Variants in CPA6 observed in about 807,000 individuals in gnomAD.
CPA6 encodes carboxypeptidase B.
Under a neutral mutation model 63.3 loss-of-function variants are expected in CPA6, and 58 were observed. That is an observed-to-expected ratio of 0.92 (90% CI 0.74 to 1.14). CPA6 has a LOEUF of 1.14. Among genes scored for constraint, CPA6 ranks in the 50% most tolerant of loss-of-function variants. CPA6 has a pLI of 0.00. For synonymous variants in CPA6, 185 were observed against 179.0 expected (o/e 1.03, Z -0.27); for missense variants, 565 against 526.6 (o/e 1.07, Z -0.71).
intron 6 of CPA6, among the ~76,000 whole-genome samples, chr8:67,503,684 G>T (rs1033319816): frequency 5.3e-5 from 8 of 151,786 alleles, no homozygotes; most frequent in Non-Finnish European, 1.2e-4. Context: ...AATAATAATT[G>T]ATTTTATTGT....
At chr8:67,656,134 C>T (rs113817949) in intron 1 of CPA6, among the ~76,000 whole-genome samples, 2,415 of 152,068 alleles carry the variant, frequency 0.016, 18 homozygotes, top group South Asian at 0.05. Context: ...GCCTCCTTTG[C>T]CCAGACTCTA....
chr8:67,441,932 A>T (rs923952535), intron 8 of CPA6, among the ~76,000 whole-genome samples: 8 of 152,118 alleles, frequency 5.3e-5, no homozygotes, highest in African/African-American at 1.2e-4. Context: ...TAATAACTAA[A>T]TTTTTTCACA....
intron 3 of CPA6, among the ~76,000 whole-genome samples, chr8:67,513,088 T>A (rs1393314122): frequency 6.6e-6 from 1 of 152,170 alleles, no homozygotes; most frequent in African/African-American, 2.4e-5. Flanking sequence ...ATTTTAGAAA[T>A]CGAGGTAAGG....
At position 67,574,719 on chromosome 8, in the gene CPA6, C is replaced by G. The variant is rs549549525; in HGVS notation, c.192+49457G>C. Among the ~76,000 whole-genome samples the G allele has an allele frequency of 3.2e-3, 490 of 152,046 alleles. 1 individual carries two copies. Among genetic ancestry groups the G allele is most frequent in the South Asian group, 6.2e-3 (30 of 4,808 alleles). ...AATAAATTTGGACCCTTATCTCACC[C>G]CATATACAAAAATTTAACTAAAAAT... is the stretch of plus-strand genomic sequence containing the variant. On this transcript the variant is annotated intron_variant, in intron 2 of 10. Transcript: ENST00000297770.
At chr8:67,532,809 C>T (rs1245073137) in intron 2 of CPA6, among the ~76,000 whole-genome samples, 1 of 152,090 alleles carries the variant, frequency 6.6e-6, no homozygotes, top group East Asian at 1.9e-4. Flanking sequence ...TGGTGGTTGC[C>T]AAATGGGTAT....
intron 2 of CPA6, among the ~76,000 whole-genome samples, chr8:67,575,762 G>T (rs1195968460): frequency 2.0e-5 from 3 of 151,886 alleles, no homozygotes; most frequent in Admixed American, 6.6e-5. Context: ...GGAGGCTGAG[G>T]CAGGAGAATT....
At chr8:67,560,033 G>A (rs1469067567) in intron 2 of CPA6, among the ~76,000 whole-genome samples, 2 of 151,704 alleles carry the variant, frequency 1.3e-5, no homozygotes, top group East Asian at 1.9e-4. Flanking sequence ...CCTTGATCTT[G>A]GATTACCCTG....
At chr8:67,743,596 C>T (rs1024848692) in intron 1 of CPA6, among the ~76,000 whole-genome samples, 1 of 152,110 alleles carries the variant, frequency 6.6e-6, no homozygotes, top group East Asian at 1.9e-4. Context: ...TTAATCATCC[C>T]TATTTCTCCC....
At chr8:67,713,112 T>TATATATATATATAC (rs1817305554) in intron 1 of CPA6, among the ~76,000 whole-genome samples, 1 of 107,138 alleles carries the variant, frequency 9.3e-6, no homozygotes, top group Non-Finnish European at 2.0e-5. Context: ...TATATATATA[T>TATATATATATATAC]ATATATATAT....
At chr8:67,659,161 C>T (rs1209206284) in intron 1 of CPA6, among the ~76,000 whole-genome samples, 4 of 152,230 alleles carry the variant, frequency 2.6e-5, no homozygotes, top group African/African-American at 9.6e-5. Context: ...CCTCCCACTG[C>T]TCTCTTTATG....
chr8:67,705,617 C>T (rs2128999425), intron 1 of CPA6, among the ~76,000 whole-genome samples: 1 of 152,306 alleles, frequency 6.6e-6, no homozygotes, highest in Non-Finnish European at 1.5e-5. Flanking sequence ...TGGGTGTCTG[C>T]TTAATATTCA....
At chr8:67,447,524 CACACACACACACACACACACACAT>C (rs1410257119) in intron 8 of CPA6, among the ~76,000 whole-genome samples, 2 of 147,258 alleles carry the variant, frequency 1.4e-5, no homozygotes, top group African/African-American at 5.4e-5. Context: ...CACACACACA[CACACACACACACACACACACACAT>C]ACACATTTTA....
chr8:67,536,030 T>A (rs1049605565), intron 2 of CPA6, among the ~76,000 whole-genome samples: 3 of 152,214 alleles, frequency 2.0e-5, no homozygotes. Context: ...TGTGGTGTTA[T>A]TTCTGAGGCC....
intron 2 of CPA6, among the ~76,000 whole-genome samples, chr8:67,558,896 C>G (rs1813132098): frequency 6.6e-6 from 1 of 152,120 alleles, no homozygotes; most frequent in Non-Finnish European, 1.5e-5. Flanking sequence ...ACAATCTTGT[C>G]AAATAAGCAA....
chr8:67,438,213 C>T lies in CPA6; in HGVS notation c.839-3973G>A, dbSNP rs373755805. 4.1e-4 allele frequency among the ~76,000 whole-genome samples: 62 copies of T among 152,204 alleles called. No homozygotes were observed. The Middle Eastern group carries it at 0.02, about 50-fold the overall frequency. ...GATTACAGGCATGGGCCACCATGCC[C>T]GGCTAAAAATGTCTCCACAATTAAG... On this transcript the variant is annotated intron_variant, in intron 8 of 10. Coordinates refer to ENST00000297770, the MANE Select transcript of CPA6 (RefSeq NM_020361.5).
chr8:67,624,035 T>C, intron 2 of CPA6, 141 bp downstream of exon 2: 1 of 514,446 alleles, frequency 1.9e-6, no homozygotes, highest in East Asian at 3.5e-5. Context: ...TAAAATAAAA[T>C]AAAATAAAAG....
At chr8:67,711,719 A>G (rs868856361) in intron 1 of CPA6, among the ~76,000 whole-genome samples, 35 of 150,924 alleles carry the variant, frequency 2.3e-4, no homozygotes, top group African/African-American at 8.4e-4. Context: ...ACACACACAC[A>G]CACATCTGAA....
chr8:67,543,970 T>C (rs565073560), intron 2 of CPA6, among the ~76,000 whole-genome samples: 17 of 151,988 alleles, frequency 1.1e-4, no homozygotes, highest in Non-Finnish European at 2.2e-4. Flanking sequence ...TGTTTTCTTG[T>C]AGAGATAGAG....
At chr8:67,740,403 T>A (rs181167005) in intron 1 of CPA6, among the ~76,000 whole-genome samples, 72 of 152,254 alleles carry the variant, frequency 4.7e-4, no homozygotes, top group Admixed American at 3.3e-3. Flanking sequence ...AAACTGCTCC[T>A]GAGACAAAGG....
Sources: gnomAD v4.1 joint callset for allele counts (sites outside exome capture counted in the v4.1 genomes callset) on GRCh38, gnomAD v4.1.1 for gene constraint, MANE v1.5 for transcripts, NCBI Gene and HGNC (gene_info 2026-07-23, HGNC 2026-07-21) for gene names.